Variants in KHDRBS3 observed in about 807,000 individuals in gnomAD.
KHDRBS3 encodes the protein KH domain-containing, RNA-binding, signal transduction-associated protein 3.
In KHDRBS3, 23 loss-of-function variants were observed where a neutral mutation model predicts 45.6. The observed-to-expected ratio is 0.50, with a 90% CI of 0.36 to 0.72. The LOEUF is 0.72. Among genes scored for constraint, KHDRBS3 ranks in the 30% least tolerant of loss-of-function variants. The pLI is 0.00. For missense variants in KHDRBS3, 352 were observed against 424.8 expected, an observed-to-expected ratio of 0.83 and a Z score of 1.51; for synonymous variants, 162 against 156.5, an observed-to-expected ratio of 1.04 and a Z score of -0.26.
chr8:135,637,710 G>A (rs972923652), intron 7 of KHDRBS3, among the ~76,000 whole-genome samples: 57 of 152,140 alleles, frequency 3.7e-4, no homozygotes, highest in Non-Finnish European at 3.5e-4. Context: ...TGAGCCATTC[G>A]TGTATCTGTT....
At chr8:135,547,360 C>T (rs1268625285) in intron 3 of KHDRBS3, among the ~76,000 whole-genome samples, 1 of 152,082 alleles carries the variant, frequency 6.6e-6, no homozygotes, top group African/African-American at 2.4e-5. Context: ...ACACTGTCTC[C>T]TTTCGCCAGC....
At chr8:135,579,903 A>G (rs746336116) in intron 5 of KHDRBS3, among the ~76,000 whole-genome samples, 7 of 152,186 alleles carry the variant, frequency 4.6e-5, no homozygotes, top group Non-Finnish European at 7.4e-5. Flanking sequence ...ACCTGTGTTC[A>G]TGAGAGATGC....
intron 2 of KHDRBS3, among the ~76,000 whole-genome samples, chr8:135,533,772 G>A (rs767672138): frequency 1.4e-4 from 21 of 152,128 alleles, no homozygotes; most frequent in Admixed American, 5.2e-4. Flanking sequence ...AATATTGTAA[G>A]TCAAAAATGT....
At chr8:135,655,390 C>T (rs1033397049) in intron 4 of KHDRBS3, among the ~76,000 whole-genome samples, 3 of 152,038 alleles carry the variant, frequency 2.0e-5, no homozygotes, top group South Asian at 2.1e-4. Flanking sequence ...TTTTGAAAGT[C>T]GAAATCTTGC....
At chr8:135,569,098 A>G (rs1393841644) in intron 5 of KHDRBS3, among the ~76,000 whole-genome samples, 1 of 152,200 alleles carries the variant, frequency 6.6e-6, no homozygotes, top group Non-Finnish European at 1.5e-5. Flanking sequence ...GGAGCCCTGT[A>G]GTTTAAAAAA....
At chr8:135,491,487 C>T (rs921890232) in intron 1 of KHDRBS3, among the ~76,000 whole-genome samples, 28 of 151,950 alleles carry the variant, frequency 1.8e-4, no homozygotes, top group Admixed American at 1.2e-3. Context: ...ATACTTAGGG[C>T]GGGATAAAGG....
intron 4 of KHDRBS3, among the ~76,000 whole-genome samples, chr8:135,653,408 A>G (rs1831469375): frequency 6.6e-6 from 1 of 152,240 alleles, no homozygotes; most frequent in Admixed American, 6.5e-5. Context: ...TTTTCAGTAC[A>G]GACAGTCCCT....
intron 3 of KHDRBS3, among the ~76,000 whole-genome samples, chr8:135,545,829 A>T (rs1826274219): frequency 6.6e-6 from 1 of 152,214 alleles, no homozygotes; most frequent in Admixed American, 6.5e-5. Context: ...TCATTTAAGT[A>T]ACAGGTTTGC....
chr8:135,551,303 A>G (rs1292498856), intron 4 of KHDRBS3, among the ~76,000 whole-genome samples: 1 of 152,080 alleles, frequency 6.6e-6, no homozygotes, highest in East Asian at 1.9e-4. Context: ...TATGACACTG[A>G]CTAGAACCGT....
At chr8:135,551,864 CTT>C (rs1054762881) in intron 4 of KHDRBS3, among the ~76,000 whole-genome samples, 1 of 152,002 alleles carries the variant, frequency 6.6e-6, no homozygotes, top group African/African-American at 2.4e-5. Flanking sequence ...AGCAAAAAGT[CTT>C]TTGTTTTTCT....
rs118036738 is a variant in KHDRBS3, at chr8:135,602,056, C to T, written c.808-4899C>T. Reference sequence around the variant, plus strand: ...TCTTACTCAGCTCCACTACTCTCTCCTTTTCCTCGTTTTAATCATTTGCTG... The same window carrying T: ...TCTTACTCAGCTCCACTACTCTCTCTTTTTCCTCGTTTTAATCATTTGCTG... On this transcript the variant is annotated intron_variant, in intron 6 of 8. Transcript: ENST00000355849. Among the ~76,000 whole-genome samples the T allele has an allele frequency of 6.7e-4, 102 of 152,284 alleles. 2 individuals are homozygous for T. The East Asian group carries it at 0.019, about 28-fold the overall frequency.
At position 135,594,704 on chromosome 8, in the gene KHDRBS3, A is replaced by G. The variant is rs73712083; in HGVS notation, c.808-12251A>G. 2.8e-3 allele frequency among the ~76,000 whole-genome samples: 425 copies of G among 152,354 alleles called. 2 individuals carry two copies. The highest frequency in any genetic ancestry group is 0.017 in the Middle Eastern group (5 of 294). Reference sequence around the variant, plus strand: ...AATTGTAATATCCAGTACTATTCACATGTGCTAGAATGACTAAAATTAAAA... The same window carrying G: ...AATTGTAATATCCAGTACTATTCACGTGTGCTAGAATGACTAAAATTAAAA... On this transcript the variant is annotated intron_variant, in intron 6 of 8. Coordinates refer to ENST00000355849, the MANE Select transcript of KHDRBS3 (RefSeq NM_006558.3).
chr8:135,571,721 C>T (rs13280316), intron 5 of KHDRBS3, among the ~76,000 whole-genome samples: 59,377 of 151,734 alleles, frequency 0.39, 12,707 homozygotes, highest in South Asian at 0.53. Flanking sequence ...AGAAGCAGGG[C>T]GTTCGAGGCT....
At chr8:135,475,401 C>T (rs1313378538) in intron 1 of KHDRBS3, among the ~76,000 whole-genome samples, 7 of 78,294 alleles carry the variant, frequency 8.9e-5, no homozygotes, top group Middle Eastern at 9.6e-3. Context: ...AACTTCCACC[C>T]CCTGGGTTCA....
chr8:135,495,910 T>C (rs1197147300), intron 1 of KHDRBS3, among the ~76,000 whole-genome samples: 1 of 152,078 alleles, frequency 6.6e-6, no homozygotes, highest in Non-Finnish European at 1.5e-5. Flanking sequence ...ACTTGGGTTT[T>C]AAGTGTAGAT....
At chr8:135,649,167 GTC>G (rs1369696921), downstream of KHDRBS3, among the ~76,000 whole-genome samples, 1 of 152,000 alleles carries the variant, frequency 6.6e-6, no homozygotes, top group African/African-American at 2.4e-5. Flanking sequence ...TATTATTTTT[GTC>G]TCTCTTTTTA....
chr8:135,546,826 C>G (rs1335803078), intron 3 of KHDRBS3, among the ~76,000 whole-genome samples: 1 of 152,116 alleles, frequency 6.6e-6, no homozygotes, highest in East Asian at 1.9e-4. Context: ...CCAAATAACA[C>G]ATTGCCTGTC....
rs1421737900 is a variant in KHDRBS3 at position 135,558,920 on chromosome 8, C to T, written c.611+1333C>T. On this transcript the variant is annotated intron_variant, in intron 5 of 8. Coordinates refer to ENST00000355849, the MANE Select transcript of KHDRBS3 (RefSeq NM_006558.3). Reference sequence around the variant, plus strand: ...GGAGGCTCTAGGGGAGATTCCTTTCCGTGTCTCTTCCAGTTTCTGATGGCT... The same window carrying T: ...GGAGGCTCTAGGGGAGATTCCTTTCTGTGTCTCTTCCAGTTTCTGATGGCT... 5.3e-5 allele frequency among the ~76,000 whole-genome samples: 8 copies of T among 152,218 alleles called. No individual in the cohort carries two copies. In the South Asian group the frequency reaches 8.3e-4, roughly 16 times the overall value.
At chr8:135,492,572 C>G (rs916711489) in intron 1 of KHDRBS3, among the ~76,000 whole-genome samples, 3 of 150,564 alleles carry the variant, frequency 2.0e-5, no homozygotes, top group Non-Finnish European at 4.4e-5. Context: ...TGTATTTTCT[C>G]CACTGAATGC....
Sources: gnomAD v4.1 joint callset for allele counts (sites outside exome capture counted in the v4.1 genomes callset) on GRCh38, gnomAD v4.1.1 for gene constraint, MANE v1.5 for transcripts, NCBI Gene and HGNC (gene_info 2026-07-23, HGNC 2026-07-21) for gene names.